CLCNKA: variants seen among roughly 807,000 people sequenced by gnomAD.
CLCNKA encodes chloride channel protein ClC-Ka.
In CLCNKA, 66 loss-of-function variants were observed where a neutral mutation model predicts 83.3. That is an observed-to-expected ratio of 0.79 (90% CI 0.65 to 0.97). The LOEUF is 0.97. Among genes scored for constraint, CLCNKA ranks in the 50% least tolerant of loss-of-function variants. CLCNKA has a pLI of 0.00. For synonymous variants in CLCNKA, 357 were observed against 370.4 expected, an observed-to-expected ratio of 0.96 and a Z score of 0.42; for missense variants, 806 against 888.7, an observed-to-expected ratio of 0.91 and a Z score of 1.18.
At chr1:16,029,499 G>A (rs2022523724) in intron 12 of CLCNKA, among the ~76,000 whole-genome samples, 200 bp downstream of exon 12, 1 of 152,170 alleles carries the variant, frequency 6.6e-6, no homozygotes, top group Non-Finnish European at 1.5e-5. Flanking sequence ...AAAATGGGGT[G>A]GTTACTGGGA....
chr1:16,030,447 C>G lies in CLCNKA; in HGVS notation c.1409-14C>G. On this transcript the variant is annotated splice_polypyrimidine_tract_variant and intron_variant, in intron 14 of 19. Transcript: ENST00000331433. Reference sequence around the variant, plus strand: ...TCCTGGCCTGAGCCGACCTGTGTGGCTCTGCCCCGGCAGGGGCTGCAGCCT... The same window carrying G: ...TCCTGGCCTGAGCCGACCTGTGTGGGTCTGCCCCGGCAGGGGCTGCAGCCT... 1 of 1,612,182 alleles carries G rather than the reference C, an allele frequency of 6.2e-7. No individual in the cohort carries two copies. Among genetic ancestry groups the G allele is most frequent in the Non-Finnish European group, 8.5e-7 (1 of 1,179,846 alleles).
Position 16,027,931 on chromosome 1 carries a change from G to A in CLCNKA, c.866+26G>A, listed in dbSNP as rs563048986. 7.8e-5 allele frequency: 126 copies of A among 1,613,988 alleles called. No individual in the cohort carries two copies. In the South Asian group the frequency reaches 1.4e-3, roughly 17 times the overall value. On this transcript the variant is annotated intron_variant, in intron 9 of 19. Coordinates refer to ENST00000331433, the MANE Select transcript of CLCNKA (RefSeq NM_004070.4). ...GTGAGTGGGTGCCTTGGGCCCCTGA[G>A]AGTCCAAAAGGCATTCCCCCCAAGG...
At chr1:16,026,994 TAC>T in intron 7 of CLCNKA, 1 of 659,864 alleles carries the variant, frequency 1.5e-6, no homozygotes, top group South Asian at 1.9e-5. Flanking sequence ...AGGATAACAT[TAC>T]ACAGACTTGG....
At chr1:16,022,791 A>C (rs2022189778) in intron 2 of CLCNKA, 72 bp downstream of exon 2, 1 of 1,106,762 alleles carries the variant, frequency 9.0e-7, no homozygotes, top group Non-Finnish European at 1.3e-6. Flanking sequence ...CTCCCACCCC[A>C]CCTCTCTGCC....
Position 16,027,830 on chromosome 1 carries a change from C to A in CLCNKA, c.791C>A (p.Thr264Asn), listed in dbSNP as rs200145823. 3.3e-4 allele frequency: 525 copies of A among 1,610,802 alleles called. 6 individuals are homozygous for A. The East Asian group carries it at 8.8e-3, about 27-fold the overall frequency. Residue 264 changes from threonine to asparagine, a missense_variant, in exon 9 of 20, where the codon ACC (threonine) becomes AAC (asparagine). Coordinates refer to ENST00000331433, the MANE Select transcript of CLCNKA (RefSeq NM_004070.4). Reference sequence around the variant, plus strand: ...TGCCCTCCTTCCCCAGAGACCATCACCTCCCTCTACAAGACCAGTTTCCGG... The same window carrying A: ...TGCCCTCCTTCCCCAGAGACCATCAACTCCCTCTACAAGACCAGTTTCCGG... ...AVFNSEQETITSLYKTSFRVD... is the reference protein window; with the variant it reads ...AVFNSEQETINSLYKTSFRVD...
intron 10 of CLCNKA, chr1:16,028,493 C>T (rs2022475335): frequency 4.7e-6 from 3 of 644,304 alleles, no homozygotes; most frequent in Non-Finnish European, 8.5e-6. Flanking sequence ...TCTCCTCCCT[C>T]CTAGCCTGCC....
intron 16 of CLCNKA, among the ~76,000 whole-genome samples, 177 bp from the exon 17 acceptor site, chr1:16,032,026 A>G (rs1323897714): frequency 6.6e-6 from 1 of 152,082 alleles, no homozygotes. Context: ...AATCATGGCT[A>G]CCCTCCCTTG....
In CLCNKA at chr1:16,026,194, G is replaced by T. The variant is rs567203737; in HGVS notation, c.445G>T (p.Val149Leu). 5 of 1,613,916 alleles carry T rather than the reference G, an allele frequency of 3.1e-6. No homozygotes were observed. In the African/African-American group the frequency reaches 6.7e-5, roughly 22 times the overall value. Residue 149 changes from valine (V) to leucine (L), a missense_variant, in exon 5 of 20, where the codon GTG becomes TTG. Coordinates refer to ENST00000331433, the MANE Select transcript of CLCNKA (RefSeq NM_004070.4). The part of the protein sequence containing the change: ...LDIKNFGAKV[V>L]GLSCTLATGS... ...TATCAAGAACTTTGGGGCCAAGGTGGTGGGCCTCTCCTGCACCCTGGCCAC... is the reference window on the plus strand; with the variant it reads ...TATCAAGAACTTTGGGGCCAAGGTGTTGGGCCTCTCCTGCACCCTGGCCAC...
At position 16,029,176 on chromosome 1, in the gene CLCNKA, G is replaced by A. The variant is rs761637158; in HGVS notation, c.1104G>A (p.Ala368=). 3.5e-5 allele frequency: 57 copies of A among 1,612,766 alleles called. No homozygotes were observed. The highest frequency in any genetic ancestry group is 2.5e-4 in the East Asian group (11 of 44,886). ...LDSLFDNHSW[A]LMTQNSSPPW... ...CGCTGTTCGACAACCACTCCTGGGCGCTGATGACCCAGAACTCCAGCCCAC... is the reference window on the plus strand; with the variant it reads ...CGCTGTTCGACAACCACTCCTGGGCACTGATGACCCAGAACTCCAGCCCAC... Residue 368 remains alanine, a synonymous_variant, in exon 12 of 20, where the codon GCG becomes GCA. Transcript: ENST00000331433.
chr1:16,028,227 C>A (rs1016078455), intron 10 of CLCNKA, 108 bp downstream of exon 10: 13 of 1,040,316 alleles, frequency 1.2e-5, no homozygotes, highest in Non-Finnish European at 1.6e-5. Flanking sequence ...CTAAATCCCT[C>A]CCTAGCCCGT....
At position 16,033,661 on chromosome 1, in the gene CLCNKA, C is replaced by T. The variant is rs373771592; in HGVS notation, c.*3C>T. 99 of 1,607,590 alleles carry T rather than the reference C, an allele frequency of 6.2e-5. No homozygotes were observed. Among genetic ancestry groups the T allele is most frequent in the Middle Eastern group, 1.7e-4 (1 of 6,048 alleles). Reference sequence around the variant, plus strand: ...CAAATCCGCCAGCTCCAAAGTGAGCCGGCCCAGCAAGATGAAACAGGGCAC... The same window carrying T: ...CAAATCCGCCAGCTCCAAAGTGAGCTGGCCCAGCAAGATGAAACAGGGCAC... On this transcript the variant is annotated 3_prime_UTR_variant, in exon 20 of 20. Transcript: ENST00000331433.
chr1:16,026,538 C>T lies in CLCNKA; in HGVS notation c.501C>T (p.Gly167=), dbSNP rs1449978841. The change falls in exon 6 of 20, where the codon GGC becomes GGT. Residue 167 remains glycine (G), a splice_region_variant and synonymous_variant. Coordinates refer to ENST00000331433, the MANE Select transcript of CLCNKA (RefSeq NM_004070.4). ...TGGGCCCACCCTTCCCTCTGCAGGG[C>T]CCTTTCGTGCACCTGTCTGTAATGA... ...TGSTLFLGKV[G]PFVHLSVMIA... The T allele has an allele frequency of 1.2e-6, 2 of 1,613,988 alleles. No individual in the cohort carries two copies. Among genetic ancestry groups the T allele is most frequent in the Non-Finnish European group, 1.7e-6 (2 of 1,180,030 alleles).
chr1:16,030,487 A>T lies in CLCNKA; in HGVS notation c.1435A>T (p.Thr479Ser). Reference sequence around the variant, plus strand: ...GGCTGCAGCCTTCTCAGGGGCTGTGACCCACACCATCTCCACGGCGCTGCT... The same window carrying T: ...GGCTGCAGCCTTCTCAGGGGCTGTGTCCCACACCATCTCCACGGCGCTGCT... Reference protein sequence around the residue: ...AGAAAFSGAVTHTISTALLAF... With the variant: ...AGAAAFSGAVSHTISTALLAF... Residue 479 changes from threonine (T) to serine (S), a missense_variant, in exon 15 of 20, where the codon ACC becomes TCC. Transcript: ENST00000331433. The T allele has an allele frequency of 1.2e-6, 2 of 1,612,794 alleles. No individual in the cohort carries two copies. Among genetic ancestry groups the T allele is most frequent in the Non-Finnish European group, 1.7e-6 (2 of 1,179,948 alleles).
At chr1:16,030,840 C>A (rs1241943486) in intron 15 of CLCNKA, among the ~76,000 whole-genome samples, 166 bp downstream of exon 15, 1 of 152,202 alleles carries the variant, frequency 6.6e-6, no homozygotes, top group African/African-American at 2.4e-5. Flanking sequence ...TCCCCAGTGC[C>A]CTGGGTGACC....
intron 1 of CLCNKA, among the ~76,000 whole-genome samples, chr1:16,022,336 G>C (rs115449577): frequency 1.3e-5 from 2 of 152,120 alleles, no homozygotes; most frequent in Admixed American, 6.5e-5. Context: ...AGCACCAAGC[G>C]ACCCAGGAGG....
intron 18 of CLCNKA, 81 bp from the exon 19 acceptor site, chr1:16,033,089 C>A: frequency 6.9e-7 from 1 of 1,439,886 alleles, no homozygotes; most frequent in Non-Finnish European, 9.8e-7. Flanking sequence ...CTCTTCCTGG[C>A]TCAGAGGCGT....
At position 16,022,643 on chromosome 1, in the gene CLCNKA, T is replaced by C; in HGVS notation, c.24T>C (p.Arg8=). MEELVGL[R]EGFSGDPVTL... is the part of the protein sequence containing the mutation. Reference sequence around the variant, plus strand: ...TGATGGAGGAGTTGGTGGGGCTGCGTGAGGGCTTCTCAGGGGACCCTGTGA... The same window carrying C: ...TGATGGAGGAGTTGGTGGGGCTGCGCGAGGGCTTCTCAGGGGACCCTGTGA... Residue 8 remains arginine, a synonymous_variant, in exon 2 of 20, where the codon CGT becomes CGC. Transcript: ENST00000331433. The C allele has an allele frequency of 6.4e-7, 1 of 1,568,092 alleles. No homozygotes were observed. The highest frequency in any genetic ancestry group is 2.3e-5 in the East Asian group (1 of 42,916).
At chr1:16,023,104 G>T (rs1160342370) in intron 2 of CLCNKA, among the ~76,000 whole-genome samples, 3 of 152,246 alleles carry the variant, frequency 2.0e-5, no homozygotes, top group African/African-American at 7.2e-5. Context: ...CATGTGCCTT[G>T]TTCACTTTGA....
At chr1:16,033,580 C>G in intron 19 of CLCNKA, 31 bp from the exon 20 acceptor site, 2 of 925,544 alleles carry the variant, frequency 2.2e-6, no homozygotes, top group East Asian at 7.5e-5. Flanking sequence ...TCTACATCCC[C>G]CCCCACCTCC....
Sources: allele counts gnomAD v4.1 joint callset (sites outside exome capture counted in the v4.1 genomes callset), GRCh38; gene constraint gnomAD v4.1.1; transcripts MANE v1.5; gene names NCBI Gene and HGNC (gene_info 2026-07-23, HGNC 2026-07-21).